The following IFT57 variants were observed in gnomAD, a reference collection of about 807,000 sequenced individuals.
IFT57 encodes intraflagellar transport protein 57 homolog.
A neutral mutation model predicts 56.8 loss-of-function variants in IFT57; 59 were observed. The ratio of observed to expected loss-of-function variants is 1.04; its 90% CI spans 0.84 to 1.29. The LOEUF is 1.29. Ranked by LOEUF, IFT57 falls within the 50% of genes most tolerant of loss-of-function variation. The pLI, the probability that IFT57 is intolerant of heterozygous loss-of-function variation, is 0.00. For missense variants in IFT57, 470 were observed against 522.1 expected (o/e 0.90, Z 0.97); for synonymous variants, 209 against 186.1 (o/e 1.12, Z -1.00).
At chr3:108,176,338 AG>A (rs2080123875) in intron 6 of IFT57, among the ~76,000 whole-genome samples, 1 of 151,836 alleles carries the variant, frequency 6.6e-6, no homozygotes, top group South Asian at 2.1e-4. Context: ...TCCATTTCAC[AG>A]ATCGGGTAAC....
chr3:108,167,030 A>T (rs1459765713), intron 7 of IFT57, 45 bp from the exon 8 acceptor site: 1 of 1,549,820 alleles, frequency 6.5e-7, no homozygotes, highest in East Asian at 2.3e-5. Context: ...TCACAAACAT[A>T]TTTTTTCAAA....
chr3:108,200,271 A>G (rs1443819505), intron 5 of IFT57, among the ~76,000 whole-genome samples: 1 of 152,178 alleles, frequency 6.6e-6, no homozygotes, highest in East Asian at 1.9e-4. Flanking sequence ...TTAGAGCATT[A>G]CTGTCATATA....
chr3:108,164,624 A>C (rs1236595696), intron 9 of IFT57, among the ~76,000 whole-genome samples: 1 of 152,118 alleles, frequency 6.6e-6, no homozygotes, highest in Non-Finnish European at 1.5e-5. Flanking sequence ...TTTACCTAAC[A>C]TAAGTGAACA....
chr3:108,174,894 A>T (rs1367029316), intron 6 of IFT57, among the ~76,000 whole-genome samples: 1 of 151,832 alleles, frequency 6.6e-6, no homozygotes, highest in Non-Finnish European at 1.5e-5. Flanking sequence ...GTGAAAATAA[A>T]TATGTTATTG....
At chr3:108,170,125 C>A (rs1041993008) in intron 6 of IFT57, among the ~76,000 whole-genome samples, 5 of 152,028 alleles carry the variant, frequency 3.3e-5, no homozygotes, top group African/African-American at 1.2e-4. Context: ...TCCTATTCAA[C>A]ATAGTATTGG....
At chr3:108,219,369 T>C in intron 2 of IFT57, 41 bp downstream of exon 2, 1 of 1,536,002 alleles carries the variant, frequency 6.5e-7, no homozygotes, top group Non-Finnish European at 9.0e-7. Context: ...TTAAAATTCA[T>C]AACTTGAGAA....
chr3:108,168,502 A>T (rs1050994826), intron 6 of IFT57, among the ~76,000 whole-genome samples: 3 of 151,964 alleles, frequency 2.0e-5, no homozygotes, highest in Non-Finnish European at 4.4e-5. Context: ...TTTTACTTTA[A>T]GTTCTGGGAT....
chr3:108,182,260 GA>G (rs1377542077), intron 6 of IFT57, among the ~76,000 whole-genome samples: 8 of 151,982 alleles, frequency 5.3e-5, no homozygotes, highest in Non-Finnish European at 7.4e-5. Flanking sequence ...GAATGAGGGG[GA>G]AAAAATCCTC....
chr3:108,178,000 C>T (rs1021438985), intron 6 of IFT57, among the ~76,000 whole-genome samples: 2 of 151,758 alleles, frequency 1.3e-5, no homozygotes, highest in African/African-American at 2.4e-5. Flanking sequence ...CAGCTAGATA[C>T]AGATATACAT....
intron 2 of IFT57, among the ~76,000 whole-genome samples, chr3:108,219,189 T>A (rs946233865): frequency 6.6e-6 from 1 of 152,064 alleles, no homozygotes; most frequent in African/African-American, 2.4e-5. Context: ...ATATCAAGAT[T>A]TTTTTAAAAA....
intron 5 of IFT57, among the ~76,000 whole-genome samples, chr3:108,192,501 C>A (rs1166238596): frequency 6.6e-6 from 1 of 152,066 alleles, no homozygotes; most frequent in Non-Finnish European, 1.5e-5. Context: ...CAGCCCTTCA[C>A]ATTTCAGCAT....
At position 108,218,573 on chromosome 3, in the gene IFT57, A is replaced by G; in HGVS notation, c.456T>C (p.Ala152=). 6.4e-7 allele frequency: 1 copy of G among 1,560,432 alleles called. No individual in the cohort carries two copies. The highest frequency in any genetic ancestry group is 8.7e-7 in the Non-Finnish European group (1 of 1,156,064). ...AACCAATATATTTCAATGCTTCTTC[A>G]GCGAAGCAATCAAGAACATAGCATA... ...EHVCYVLDCF[A]EEALKYIGFT... The change falls in exon 3 of 11, where the codon GCT becomes GCC. Residue 152 remains alanine, a synonymous_variant. Coordinates refer to ENST00000264538, the MANE Select transcript of IFT57 (RefSeq NM_018010.4).
At chr3:108,164,651 T>C (rs1447831835) in intron 9 of IFT57, among the ~76,000 whole-genome samples, 1 of 152,122 alleles carries the variant, frequency 6.6e-6, no homozygotes, top group Non-Finnish European at 1.5e-5. Context: ...TTCTACATAC[T>C]GTTTTATTTG....
intron 5 of IFT57, among the ~76,000 whole-genome samples, chr3:108,192,336 C>T (rs9832812): frequency 0.096 from 14,610 of 152,052 alleles, 753 homozygotes; most frequent in Middle Eastern, 0.12. Flanking sequence ...GGTCAAATTA[C>T]AATATAGCTT....
intron 6 of IFT57, among the ~76,000 whole-genome samples, chr3:108,187,525 A>C (rs1164405794): frequency 6.6e-6 from 1 of 151,714 alleles, no homozygotes; most frequent in African/African-American, 2.4e-5. Context: ...TGCTCTGCCT[A>C]TGGAGTAGCC....
intron 5 of IFT57, among the ~76,000 whole-genome samples, chr3:108,205,283 CAAAGGT>C (rs1295408322): frequency 6.6e-6 from 1 of 151,830 alleles, no homozygotes; most frequent in African/African-American, 2.4e-5. Flanking sequence ...AACCCTATGA[CAAAGGT>C]AAAGGTAATA....
intron 5 of IFT57, among the ~76,000 whole-genome samples, chr3:108,202,414 C>G (rs1444702724): frequency 6.6e-6 from 1 of 152,236 alleles, no homozygotes; most frequent in African/African-American, 2.4e-5. Context: ...CCACTCCCTA[C>G]AGCGCTGAAT....
chr3:108,204,706 G>C (rs1420323211), intron 5 of IFT57, among the ~76,000 whole-genome samples: 2 of 151,672 alleles, frequency 1.3e-5, no homozygotes, highest in Non-Finnish European at 2.9e-5. Flanking sequence ...ACTTGCTAAA[G>C]GCAGGAATCA....
intron 6 of IFT57, among the ~76,000 whole-genome samples, chr3:108,185,480 A>C (rs1042898734): frequency 6.6e-6 from 1 of 152,078 alleles, no homozygotes; most frequent in East Asian, 1.9e-4. Context: ...AATGCAGACT[A>C]AAGTGCCCTG....
Sources: gnomAD v4.1 joint callset for allele counts (sites outside exome capture counted in the v4.1 genomes callset) on GRCh38, gnomAD v4.1.1 for gene constraint, MANE v1.5 for transcripts, NCBI Gene and HGNC (gene_info 2026-07-23, HGNC 2026-07-21) for gene names.